AK8: variants seen among roughly 807,000 people sequenced by gnomAD.
The protein encoded by AK8 is adenylate kinase 8, also known as ATP-AMP transphosphorylase 8.
AK8 carries 44 observed loss-of-function variants against 54.6 expected under a neutral mutation model. That is an observed-to-expected ratio of 0.81 (90% CI 0.63 to 1.04). The LOEUF (loss-of-function observed/expected upper bound fraction) is 1.04. Among genes scored for constraint, AK8 ranks in the 50% least tolerant of loss-of-function variants. The pLI, the probability that AK8 is intolerant of heterozygous loss-of-function variation, is 0.00. For synonymous variants in AK8, 239 were observed against 245.6 expected, an observed-to-expected ratio of 0.97 and a Z score of 0.25; for missense variants, 555 against 613.6, an observed-to-expected ratio of 0.90 and a Z score of 1.01.
intron 9 of AK8, among the ~76,000 whole-genome samples, chr9:132,817,662 G>A (rs1841389103): frequency 6.6e-6 from 1 of 152,136 alleles, no homozygotes; most frequent in Admixed American, 6.5e-5. Context: ...ATAGGAAGTA[G>A]CCAAACTGCA....
intron 9 of AK8, among the ~76,000 whole-genome samples, chr9:132,821,835 G>T (rs1159738026): frequency 5.0e-5 from 5 of 100,844 alleles, no homozygotes; most frequent in South Asian, 3.4e-4. Context: ...ATACATATAT[G>T]TGTATGTATA....
intron 11 of AK8, among the ~76,000 whole-genome samples, chr9:132,786,837 A>G (rs1000074596): frequency 6.6e-6 from 1 of 152,222 alleles, no homozygotes; most frequent in African/African-American, 2.4e-5. Context: ...CAGAAAGGAA[A>G]AGGAAAAAAG....
intron 11 of AK8, among the ~76,000 whole-genome samples, chr9:132,789,229 A>G (rs1005092574): frequency 5.3e-5 from 8 of 152,052 alleles, no homozygotes; most frequent in Non-Finnish European, 7.4e-5. Flanking sequence ...CGGGAGGCAG[A>G]GCTTACAGTG....
intron 10 of AK8, among the ~76,000 whole-genome samples, chr9:132,811,840 A>G (rs773377980): frequency 6.6e-6 from 1 of 152,200 alleles, no homozygotes; most frequent in Non-Finnish European, 1.5e-5. Flanking sequence ...AAGGACTGCA[A>G]ATCTGGAAAC....
At chr9:132,813,975 C>T (rs150234226) in intron 10 of AK8, among the ~76,000 whole-genome samples, 171 of 152,104 alleles carry the variant, frequency 1.1e-3, no homozygotes, top group African/African-American at 3.9e-3. Flanking sequence ...TTTTTATATA[C>T]CAAATAATAA....
At chr9:132,759,014 A>G (rs1268592616) in intron 11 of AK8, among the ~76,000 whole-genome samples, 4 of 151,532 alleles carry the variant, frequency 2.6e-5, no homozygotes, top group Admixed American at 6.6e-5. Flanking sequence ...GCTTGGCAAA[A>G]CGGCAAAACC....
At position 132,854,902 on chromosome 9, in the gene AK8, G is replaced by C. The variant is rs754164109; in HGVS notation, c.357C>G (p.Val119=). 1.2e-6 allele frequency: 2 copies of C among 1,614,040 alleles called. No homozygotes were observed. Among genetic ancestry groups the C allele is most frequent in the South Asian group, 1.1e-5 (1 of 91,080 alleles). Residue 119 remains valine (V), a synonymous_variant, in exon 5 of 13, where the codon GTC becomes GTG. Transcript: ENST00000298545. ...QRKTVPSALL[V]QLIQERLAEE... is the part of the protein sequence containing the mutation. ...CAGCCAGGCGTTCCTGAATCAGCTG[G>C]ACGAGCAGCGCGCTGGGAACTGTCT...
chr9:132,802,058 T>C (rs781127557), intron 10 of AK8, among the ~76,000 whole-genome samples: 2 of 152,168 alleles, frequency 1.3e-5, no homozygotes, highest in South Asian at 4.1e-4. Context: ...GCGACTCATT[T>C]TACCTCCTAG....
At chr9:132,870,657 C>T (rs1041416243) in intron 2 of AK8, among the ~76,000 whole-genome samples, 2 of 152,258 alleles carry the variant, frequency 1.3e-5, no homozygotes, top group East Asian at 1.9e-4. Flanking sequence ...TCTGCTCCCT[C>T]GTGTGCTCGC....
In AK8 at chr9:132,846,518, T is replaced by C. The variant is rs576365301; in HGVS notation, c.402+8339A>G. On this transcript the variant is annotated intron_variant, in intron 5 of 12. Coordinates refer to ENST00000298545, the MANE Select transcript of AK8 (RefSeq NM_152572.3). ...ATGAGAGAATAGATGAATGAATGAA[T>C]GAATGAATGAATGAATGAATGAATG... 8.5e-3 allele frequency among the ~76,000 whole-genome samples: 473 copies of C among 55,862 alleles called. 1 individual carries two copies. The highest frequency in any genetic ancestry group is 0.017 in the African/African-American group (453 of 27,110). The allele number at this position is 55,862 out of a possible 152,430, so 36.6% of individuals were successfully genotyped here. A position where few individuals can be genotyped will look rare whatever the true frequency, so the allele number is the denominator to read the frequency against.
At chr9:132,873,145 G>A (rs189382943) in intron 2 of AK8, among the ~76,000 whole-genome samples, 2 of 152,170 alleles carry the variant, frequency 1.3e-5, no homozygotes, top group African/African-American at 2.4e-5. Flanking sequence ...ATGGGGTTTT[G>A]CCATATTGGC....
rs71376669 is a variant in AK8 at position 132,853,783 on chromosome 9, C to CAAAAAAAAAAAAA, written c.402+1061_402+1073dup. On this transcript the variant is annotated intron_variant, in intron 5 of 12. Transcript: ENST00000298545. ...TGGGCAACAGAGCAAGACTCTGCCT[C>CAAAAAAAAAAAAA]AAAAAAAAAAAAAAAAAAAAAAAAA... 1.1e-3 allele frequency among the ~76,000 whole-genome samples: 48 copies of CAAAAAAAAAAAAA among 42,584 alleles called. 1 individual carries two copies. The highest frequency in any genetic ancestry group is 1.6e-3 in the Non-Finnish European group (37 of 23,702). The allele number at this position is 42,584 out of a possible 152,430, so 27.9% of individuals were successfully genotyped here. A position where few individuals can be genotyped will look rare whatever the true frequency, so the allele number is the denominator to read the frequency against.
chr9:132,814,501 G>T, intron 10 of AK8, 137 bp downstream of exon 10: 1 of 803,124 alleles, frequency 1.2e-6, no homozygotes, highest in Non-Finnish European at 1.9e-6. Flanking sequence ...CAGAGCCTTT[G>T]CTTACAAGAA....
intron 11 of AK8, among the ~76,000 whole-genome samples, chr9:132,738,631 T>A (rs1435739538): frequency 6.6e-6 from 1 of 152,156 alleles, no homozygotes; most frequent in African/African-American, 2.4e-5. Flanking sequence ...AGTTCAGGGA[T>A]GTTTCCCTTG....
intron 5 of AK8, among the ~76,000 whole-genome samples, chr9:132,829,698 T>G (rs1405145922): frequency 6.6e-6 from 1 of 152,158 alleles, no homozygotes; most frequent in African/African-American, 2.4e-5. Flanking sequence ...TTGGTACAGC[T>G]AGGGAACTGG....
At chr9:132,793,317 A>G (rs1467730287) in intron 10 of AK8, among the ~76,000 whole-genome samples, 1 of 152,132 alleles carries the variant, frequency 6.6e-6, no homozygotes, top group Admixed American at 6.5e-5. Flanking sequence ...GTCCCATCTA[A>G]CACCATTGTC....
intron 4 of AK8, among the ~76,000 whole-genome samples, chr9:132,855,706 C>T (rs999556031): frequency 1.3e-5 from 2 of 152,258 alleles, no homozygotes; most frequent in African/African-American, 2.4e-5. Flanking sequence ...GCAATCATGA[C>T]GGCTAGCATT....
intron 11 of AK8, among the ~76,000 whole-genome samples, chr9:132,772,176 C>T (rs1049839345): frequency 2.6e-5 from 4 of 152,206 alleles, no homozygotes; most frequent in African/African-American, 7.2e-5. Flanking sequence ...CCACCACCAT[C>T]AATGAGAGGA....
chr9:132,834,870 T>C (rs112921026), intron 5 of AK8, among the ~76,000 whole-genome samples: 1 of 38,354 alleles, frequency 2.6e-5, no homozygotes, highest in Non-Finnish European at 8.7e-5. Flanking sequence ...AAGAGGTGCC[T>C]TTTTTTTTTT....
Sources: allele counts gnomAD v4.1 joint callset (sites outside exome capture counted in the v4.1 genomes callset), GRCh38; gene constraint gnomAD v4.1.1; transcripts MANE v1.5; gene names NCBI Gene and HGNC (gene_info 2026-07-23, HGNC 2026-07-21).